SELENOP: variants seen among roughly 807,000 people sequenced by gnomAD.
SELENOP encodes selenoprotein P, also known as selenoprotein P, plasma, 1.
Under a neutral mutation model 41.0 loss-of-function variants are expected in SELENOP, and 36 were observed. The observed-to-expected ratio is 0.88, with a 90% CI of 0.67 to 1.16. The LOEUF is 1.16. Among genes scored for constraint, SELENOP ranks in the 50% most tolerant of loss-of-function variants. The probability of loss-of-function intolerance (pLI) is 0.00; values close to 1 mark genes in which losing one functional copy is unlikely to be tolerated. For synonymous variants in SELENOP, 144 were observed against 150.8 expected, an observed-to-expected ratio of 0.95 and a Z score of 0.33; for missense variants, 440 against 454.2, an observed-to-expected ratio of 0.97 and a Z score of 0.28.
chr5:42,807,412 G>A, intron 2 of SELENOP: 2 of 174,946 alleles, frequency 1.1e-5, no homozygotes, highest in South Asian at 1.6e-4. Flanking sequence ...ACCAACCACA[G>A]ATAAAAAATG....
chr5:42,805,000 T>A, intron 3 of SELENOP: 2 of 312,284 alleles, frequency 6.4e-6, no homozygotes, highest in Non-Finnish European at 1.2e-5. Flanking sequence ...TTTGAAATGT[T>A]ATAGATATGT....
At chr5:42,811,195 G>A (rs1360173870) in intron 1 of SELENOP, among the ~76,000 whole-genome samples, 1 of 152,124 alleles carries the variant, frequency 6.6e-6, no homozygotes, top group East Asian at 1.9e-4. Flanking sequence ...CTCCACCTCT[G>A]AACTTTAGGC....
intron 1 of SELENOP, among the ~76,000 whole-genome samples, chr5:42,808,853 G>A (rs1215771397): frequency 2.0e-5 from 3 of 151,774 alleles, no homozygotes; most frequent in Admixed American, 6.6e-5. Flanking sequence ...CCGGGCGGTG[G>A]AGCTTGCAGT....
At chr5:42,808,993 A>G (rs986136019) in intron 1 of SELENOP, among the ~76,000 whole-genome samples, 1 of 152,100 alleles carries the variant, frequency 6.6e-6, no homozygotes, top group Non-Finnish European at 1.5e-5. Context: ...AAGAGCCAGC[A>G]AAAAAAGAGA....
intron 4 of SELENOP, among the ~76,000 whole-genome samples, chr5:42,802,929 G>A (rs537570138): frequency 5.9e-5 from 9 of 151,922 alleles, no homozygotes; most frequent in East Asian, 1.9e-4. Context: ...TTTCAGAAAC[G>A]AATTACTATA....
Position 42,801,176 on chromosome 5 carries a change from T to C in SELENOP, c.690A>G (p.Gly230=), listed in dbSNP as rs28919922. The C allele has an allele frequency of 1.6e-3, 2,547 of 1,614,142 alleles. 47 individuals carry two copies. The African/African-American group carries it at 0.031, about 19-fold the overall frequency. The change falls in exon 5 of 5, where the codon GGA becomes GGG. Residue 230 remains glycine (G), a synonymous_variant. Coordinates refer to ENST00000514985, the MANE Select transcript of SELENOP (RefSeq NM_005410.4). ...CAGGATGAGTAGGAGCATTTGGTGC[T>C]CCTGGTTGCTGATTCTCTGAAAGCT... The part of the protein sequence containing the change: ...SSELSENQQP[G]APNAPTHPAP...
intron 3 of SELENOP, chr5:42,805,619 C>CA (rs1760315331): frequency 6.6e-6 from 1 of 152,150 alleles, no homozygotes; most frequent in South Asian, 2.1e-4. Flanking sequence ...ATGATTAACT[C>CA]ACTTTACAGT....
chr5:42,800,692 A>G lies in SELENOP; in HGVS notation c.*28T>C. 1.9e-6 allele frequency: 3 copies of G among 1,555,188 alleles called. No homozygotes were observed. The highest frequency in any genetic ancestry group is 2.6e-6 in the Non-Finnish European group (3 of 1,150,620). On this transcript the variant is annotated 3_prime_UTR_variant, in exon 5 of 5. Coordinates refer to ENST00000514985, the MANE Select transcript of SELENOP (RefSeq NM_005410.4). ...GGAAATGAAATTGTGTCTAGACTAA[A>G]TTGGGGAGTATGTCCTATTTTAAAT...
At chr5:42,803,318 T>C (rs1158291773) in intron 4 of SELENOP, among the ~76,000 whole-genome samples, 1 of 152,180 alleles carries the variant, frequency 6.6e-6, no homozygotes, top group East Asian at 1.9e-4. Context: ...TGAGGAATCA[T>C]TATAATTAGT....
In SELENOP at chr5:42,800,958, T is replaced by C. The variant is rs1387102977; in HGVS notation, c.908A>G (p.His303Arg). 4.3e-6 allele frequency: 7 copies of C among 1,614,124 alleles called. No individual in the cohort carries two copies. Among genetic ancestry groups the C allele is most frequent in the Admixed American group, 1.7e-5 (1 of 60,002 alleles). ...TTTTTCAAATATCAGATGTCGACAATGGCAGCATCAGCTCCTAGGAGCCAA... is the reference window on the plus strand; with the variant it reads ...TTTTTCAAATATCAGATGTCGACAACGGCAGCATCAGCTCCTAGGAGCCAA... Reference protein sequence around the residue: ...SELAPRSUCCHCRHLIFEKTG... With the variant: ...SELAPRSUCCRCRHLIFEKTG... The change falls in exon 5 of 5, where the codon CAT becomes CGT. Residue 303 changes from histidine to arginine, a missense_variant. Physicochemically the swap from His to Arg is conservative, Grantham distance 29 (BLOSUM62 0). Coordinates refer to ENST00000514985, the MANE Select transcript of SELENOP (RefSeq NM_005410.4).
At chr5:42,810,729 AT>A in intron 1 of SELENOP, 1 of 939,462 alleles carries the variant, frequency 1.1e-6, no homozygotes, top group Non-Finnish European at 1.4e-6. Flanking sequence ...AAGTGCTGGG[AT>A]TACAAGCGTG....
At chr5:42,804,576 A>G in intron 4 of SELENOP, 80 bp downstream of exon 4, 1 of 746,000 alleles carries the variant, frequency 1.3e-6, no homozygotes, top group Non-Finnish European at 2.2e-6. Context: ...AAAAGCATTG[A>G]GTTTTCTAAA....
rs976036195 is a variant in SELENOP at position 42,808,306 on chromosome 5, C to A, written c.48G>T (p.Ser16=). The A allele has an allele frequency of 1.3e-6, 2 of 1,504,070 alleles. No individual in the cohort carries two copies. The highest frequency in any genetic ancestry group is 2.4e-5 in the Admixed American group (1 of 42,354). 93.2% of individuals were successfully genotyped at this position (1,504,070 alleles called of 1,614,324 possible). A position where few individuals can be genotyped will look rare whatever the true frequency, so the allele number is the denominator to read the frequency against. ...TTTGGTCCTGGCTCTCTGTTCCTCC[C>A]GATGGGAGGAGACAGAGAGCCAGGG... ...GLALALCLLP[S]GGTESQDQSS... Residue 16 remains serine (S), a synonymous_variant, in exon 2 of 5, where the codon TCG becomes TCT. Coordinates refer to ENST00000514985, the MANE Select transcript of SELENOP (RefSeq NM_005410.4).
Position 42,805,912 on chromosome 5 carries a change from T to C in SELENOP, c.416+984A>G, listed in dbSNP as rs556195712. 8 of 152,336 alleles carry C rather than the reference T, an allele frequency of 5.3e-5. No individual in the cohort carries two copies. In the East Asian group the frequency reaches 1.5e-3, roughly 29 times the overall value. The allele number at this position is 152,336 out of a possible 1,614,324, so 9.4% of individuals were successfully genotyped here. On this transcript the variant is annotated intron_variant, in intron 3 of 4. Coordinates refer to ENST00000514985, the MANE Select transcript of SELENOP (RefSeq NM_005410.4). ...GTGAATAAAGAGTTTATAAACTATT[T>C]GGCAATAATCAAAAGCAAATATATT...
chr5:42,811,238 C>T (rs1007009744), intron 1 of SELENOP, among the ~76,000 whole-genome samples: 2 of 152,204 alleles, frequency 1.3e-5, no homozygotes, highest in Non-Finnish European at 2.9e-5. Context: ...CACCTGAATG[C>T]TCTCATTCAC....
At chr5:42,802,671 C>T (rs1760235193) in intron 4 of SELENOP, among the ~76,000 whole-genome samples, 1 of 152,196 alleles carries the variant, frequency 6.6e-6, no homozygotes, top group African/African-American at 2.4e-5. Context: ...AGTGCAGTGG[C>T]ACGACCTCGA....
intron 4 of SELENOP, among the ~76,000 whole-genome samples, chr5:42,802,671 C>A (rs1760235193): frequency 6.6e-6 from 1 of 152,196 alleles, no homozygotes; most frequent in Non-Finnish European, 1.5e-5. Context: ...AGTGCAGTGG[C>A]ACGACCTCGA....
In SELENOP at chr5:42,800,070, C is replaced by A. The variant is rs1480294330; in HGVS notation, c.*650G>T. 3.7e-6 allele frequency: 1 copy of A among 271,926 alleles called. No homozygotes were observed. Among genetic ancestry groups the A allele is most frequent in the Non-Finnish European group, 6.8e-6 (1 of 146,576 alleles). The allele number at this position is 271,926 out of a possible 1,614,324, so 16.8% of individuals were successfully genotyped here. A position where few individuals can be genotyped will look rare whatever the true frequency, so the allele number is the denominator to read the frequency against. ...AGAGACAGACAATATTATCTTTCCC[C>A]TTATATCTTTTAAGACAGCCACTCA... On this transcript the variant is annotated 3_prime_UTR_variant, in exon 5 of 5. Transcript: ENST00000514985.
intron 1 of SELENOP, chr5:42,810,854 T>C (rs1472523847): frequency 1.3e-6 from 1 of 786,960 alleles, no homozygotes; most frequent in African/African-American, 1.9e-5. Flanking sequence ...AAATAACCCA[T>C]TGGCAGAGAG....
Sources: allele counts gnomAD v4.1 joint callset (sites outside exome capture counted in the v4.1 genomes callset), GRCh38; gene constraint gnomAD v4.1.1; transcripts MANE v1.5; gene names NCBI Gene and HGNC (gene_info 2026-07-23, HGNC 2026-07-21).